The following MARK4 variants were observed in gnomAD, a reference collection of about 807,000 sequenced individuals.
MARK4 encodes microtubule affinity regulating kinase 4, also known as MAP/microtubule affinity-regulating kinase 4.
Under a neutral mutation model 81.5 loss-of-function variants are expected in MARK4, and 19 were observed. That is an observed-to-expected ratio of 0.23 (90% CI 0.16 to 0.34). MARK4 has a LOEUF of 0.34. Among genes scored for constraint, MARK4 ranks in the 10% least tolerant of loss-of-function variants. The pLI is 1.00. For missense variants in MARK4, 772 were observed against 1,058.8 expected, an observed-to-expected ratio of 0.73 and a Z score of 3.76; for synonymous variants, 436 against 439.0, an observed-to-expected ratio of 0.99 and a Z score of 0.08.
rs1195922334 is a variant in MARK4, at chr19:45,264,817, C to T, written c.422-23C>T. ...CCCTGCCGCTGCACCTGACCCTGAC[C>T]CCGCTCGGCCTCTGCCCTGCAGGAG... On this transcript the variant is annotated intron_variant, in intron 5 of 16. Coordinates refer to ENST00000262891, the MANE Select transcript of MARK4 (RefSeq NM_001199867.2). 4.3e-6 allele frequency: 7 copies of T among 1,614,094 alleles called. No individual in the cohort carries two copies. The South Asian group carries it at 6.6e-5, about 15-fold the overall frequency.
intron 13 of MARK4, among the ~76,000 whole-genome samples, chr19:45,290,894 C>G (rs538063371): frequency 6.6e-6 from 1 of 152,106 alleles, no homozygotes; most frequent in African/African-American, 2.4e-5. Context: ...GAGGGAACCC[C>G]GTGGGGATGG....
chr19:45,255,517 T>A (rs1187431476), intron 1 of MARK4, among the ~76,000 whole-genome samples: 1 of 134,874 alleles, frequency 7.4e-6, no homozygotes, highest in Non-Finnish European at 1.5e-5. Context: ...GTTGAGATCG[T>A]GCCATTGCAC....
At position 45,275,785 on chromosome 19, in the gene MARK4, G is replaced by A. The variant is rs376879502; in HGVS notation, c.787-2138G>A. 1.2e-4 allele frequency among the ~76,000 whole-genome samples: 19 copies of A among 152,332 alleles called. No individual in the cohort carries two copies. In the South Asian group the frequency reaches 2.7e-3, roughly 22 times the overall value. On this transcript the variant is annotated intron_variant, in intron 8 of 16. Coordinates refer to ENST00000262891, the MANE Select transcript of MARK4 (RefSeq NM_001199867.2). ...GGGCGTTATAACCGGGCTTCGCGGCGTTGTGAAAATGGATGTAATATGCAT... is the reference window on the plus strand; with the variant it reads ...GGGCGTTATAACCGGGCTTCGCGGCATTGTGAAAATGGATGTAATATGCAT...
In MARK4 at chr19:45,259,052, GGTGCCC is replaced by G; in HGVS notation, c.118_123del (p.Ala40_Arg41del). 6.2e-7 allele frequency: 1 copy of G among 1,613,986 alleles called. No homozygotes were observed. Among genetic ancestry groups the G allele is most frequent in the Non-Finnish European group, 8.5e-7 (1 of 1,180,028 alleles). ...CCCGTCCTGGTCCAGCCGCTCACTGGGTGCCCGTTGCCGGAACTCCATCGCCTCCTG... is the reference window on the plus strand; with the variant it reads ...CCCGTCCTGGTCCAGCCGCTCACTGGGTTGCCGGAACTCCATCGCCTCCTG... On this transcript the variant is annotated inframe_deletion, in exon 2 of 17. Coordinates refer to ENST00000262891, the MANE Select transcript of MARK4 (RefSeq NM_001199867.2).
chr19:45,253,158 C>G (rs908385907), intron 1 of MARK4, among the ~76,000 whole-genome samples: 1 of 151,140 alleles, frequency 6.6e-6, no homozygotes, highest in African/African-American at 2.4e-5. Flanking sequence ...GTTCCCCTTC[C>G]CCCTGTTTCC....
chr19:45,251,560 C>G lies in MARK4; in HGVS notation c.-29C>G. The stretch of plus-strand genomic sequence containing the variant: ...TGGGACCCCCGCCCCCCCCACCCGG[C>G]CGCCCCTGCCCCCCGGGACCCGGAG... On this transcript the variant is annotated 5_prime_UTR_variant, in exon 1 of 17. Coordinates refer to ENST00000262891, the MANE Select transcript of MARK4 (RefSeq NM_001199867.2). The G allele has an allele frequency of 2.8e-6, 3 of 1,090,174 alleles. No homozygotes were observed. The highest frequency in any genetic ancestry group is 4.4e-5 in the South Asian group (2 of 45,746). The allele number at this position is 1,090,174 out of a possible 1,614,324, so 67.5% of individuals were successfully genotyped here.
chr19:45,284,479 C>T (rs1028823878), intron 12 of MARK4, among the ~76,000 whole-genome samples: 3 of 152,030 alleles, frequency 2.0e-5, no homozygotes, highest in Non-Finnish European at 2.9e-5. Context: ...TCCACCACCA[C>T]GCCCAGCTAA....
At position 45,297,764 on chromosome 19, in the gene MARK4, TC is replaced by T; in HGVS notation, c.1689del (p.Thr564ProfsTer56). The part of the protein sequence containing the change: ...SGERSRLARG[S>X]TIRSTFHGGQ... ...GGAGCGGAGCCGCCTGGCACGTGGTTCCACCATCCGCAGCACCTTCCATGGT... is the reference window on the plus strand; with the variant it reads ...GGAGCGGAGCCGCCTGGCACGTGGTTCACCATCCGCAGCACCTTCCATGGT... On this transcript the variant is annotated frameshift_variant, in exon 15 of 17. Transcript: ENST00000262891. LOFTEE classifies it high-confidence loss of function. 6.3e-7 allele frequency: 1 copy of T among 1,579,776 alleles called. No individual in the cohort carries two copies.
intron 13 of MARK4, among the ~76,000 whole-genome samples, chr19:45,291,940 T>A (rs1970825883): frequency 6.6e-6 from 1 of 152,202 alleles, no homozygotes; most frequent in Admixed American, 6.5e-5. Flanking sequence ...CTTGCCTGTG[T>A]GAGCTGAAGT....
chr19:45,285,855 C>T (rs986790603), intron 12 of MARK4, among the ~76,000 whole-genome samples: 1 of 152,174 alleles, frequency 6.6e-6, no homozygotes, highest in Non-Finnish European at 1.5e-5. Context: ...GATCACTTTT[C>T]ACCCCCGGGT....
Position 45,271,762 on chromosome 19 carries a change from C to G in MARK4, c.786+54C>G. ...TCAGCCCCTCCCCACAGTCAGGCCCCTATCCCCCCCACACCTCCCCTGCAG... is the reference window on the plus strand; with the variant it reads ...TCAGCCCCTCCCCACAGTCAGGCCCGTATCCCCCCCACACCTCCCCTGCAG... On this transcript the variant is annotated intron_variant, in intron 8 of 16. Coordinates refer to ENST00000262891, the MANE Select transcript of MARK4 (RefSeq NM_001199867.2). This position sits in a 1 kb window ranked among gnomAD's most constrained non-coding sequence, Gnocchi z 4.1. 6.6e-7 allele frequency: 1 copy of G among 1,521,426 alleles called. No individual in the cohort carries two copies. The highest frequency in any genetic ancestry group is 1.4e-5 in the African/African-American group (1 of 72,904). 94.2% of individuals were successfully genotyped at this position (1,521,426 alleles called of 1,614,324 possible).
intron 8 of MARK4, among the ~76,000 whole-genome samples, chr19:45,273,066 G>T (rs970787788): frequency 6.6e-6 from 1 of 151,866 alleles, no homozygotes; most frequent in Non-Finnish European, 1.5e-5. Flanking sequence ...GATATCAGAT[G>T]CTGGCCTGTG....
At chr19:45,296,726 G>T (rs569102736) in intron 14 of MARK4, among the ~76,000 whole-genome samples, 6 of 152,338 alleles carry the variant, frequency 3.9e-5, no homozygotes, top group African/African-American at 1.4e-4. Context: ...TGAGATCCAG[G>T]CTGGGCCTGG....
intron 10 of MARK4, among the ~76,000 whole-genome samples, chr19:45,279,126 G>A (rs1970639585): frequency 6.6e-6 from 1 of 152,152 alleles, no homozygotes; most frequent in South Asian, 2.1e-4. Context: ...TCAGCAAGCT[G>A]AGGTAGGAGG....
Position 45,259,011 on chromosome 19 carries a change from G to A in MARK4, c.74G>A (p.Arg25His), listed in dbSNP as rs143817847. 737 of 1,612,706 alleles carry A rather than the reference G, an allele frequency of 4.6e-4. 4 individuals are homozygous for A. The highest frequency in any genetic ancestry group is 7.0e-4 in the Admixed American group (42 of 59,966). ...CAGCATGGCACCTTGGGCAGTGGCC[G>A]CTCCTCGGACAAAGGCCCGTCCTGG... is the stretch of plus-strand genomic sequence containing the variant. ...SDTHGTLGSG[R>H]SSDKGPSWSS... The change falls in exon 2 of 17, where the codon CGC becomes CAC. Residue 25 changes from arginine to histidine, a missense_variant. Physicochemically the swap from Arg to His is conservative, Grantham distance 29. Transcript: ENST00000262891.
chr19:45,273,777 G>A (rs957678519), intron 8 of MARK4, among the ~76,000 whole-genome samples: 1 of 152,242 alleles, frequency 6.6e-6, no homozygotes, highest in African/African-American at 2.4e-5. Flanking sequence ...TTGCCCGTGA[G>A]GAGCACGTAC....
At chr19:45,280,134 T>C in intron 10 of MARK4, 2 of 442,296 alleles carry the variant, frequency 4.5e-6, no homozygotes, top group Non-Finnish European at 8.4e-6. Context: ...GGATTGCTTG[T>C]GCCCAGGAGT....
chr19:45,289,445 T>C (rs1030603768), intron 13 of MARK4, among the ~76,000 whole-genome samples: 6 of 145,404 alleles, frequency 4.1e-5, no homozygotes, highest in African/African-American at 1.5e-4. Flanking sequence ...AAAATACTTA[T>C]AGTTATCCTT....
At chr19:45,263,278 C>A in intron 3 of MARK4, 41 bp from the exon 4 acceptor site, 2 of 1,614,110 alleles carry the variant, frequency 1.2e-6, no homozygotes, top group South Asian at 1.1e-5. Flanking sequence ...CCAAGCCACC[C>A]ACCCTCACTC....
Sources: gnomAD v4.1 joint callset for allele counts (sites outside exome capture counted in the v4.1 genomes callset) on GRCh38, gnomAD v4.1.1 for gene constraint, Gnocchi (gnomAD v3.1) non-coding constraint, MANE v1.5 for transcripts, NCBI Gene and HGNC (gene_info 2026-07-23, HGNC 2026-07-21) for gene names.